Variants in RASSF8 observed in about 807,000 individuals in gnomAD.
RASSF8 encodes ras association domain-containing protein 8.
A neutral mutation model predicts 48.5 loss-of-function variants in RASSF8; 22 were observed. The observed-to-expected ratio is 0.45, with a 90% CI of 0.32 to 0.65. RASSF8 has a LOEUF of 0.65. Among genes scored for constraint, RASSF8 ranks in the 30% least tolerant of loss-of-function variants. RASSF8 has a pLI of 0.03. For synonymous variants in RASSF8, 127 were observed against 171.5 expected, an observed-to-expected ratio of 0.74 and a Z score of 2.03; for missense variants, 418 against 489.2, an observed-to-expected ratio of 0.85 and a Z score of 1.37.
At chr12:26,009,417 G>T (rs2137015028) in intron 2 of RASSF8, among the ~76,000 whole-genome samples, 1 of 152,310 alleles carries the variant, frequency 6.6e-6, no homozygotes, top group South Asian at 2.1e-4. Context: ...ATGATGGGAA[G>T]GCTGTTACTG....
intron 2 of RASSF8, among the ~76,000 whole-genome samples, chr12:26,032,094 T>C (rs945758634): frequency 6.6e-6 from 1 of 152,154 alleles, no homozygotes; most frequent in Non-Finnish European, 1.5e-5. Flanking sequence ...TCTGGAAAAT[T>C]TACCAATCAG....
At position 26,069,660 on chromosome 12, in the gene RASSF8, C is replaced by T. The variant is rs998823902; in HGVS notation, c.*842C>T. ...TGTCTTATCATTTACACTCATGGATCTTCAGAATTAATCTAACATGGAAGT... is the reference window on the plus strand; with the variant it reads ...TGTCTTATCATTTACACTCATGGATTTTCAGAATTAATCTAACATGGAAGT... On this transcript the variant is annotated 3_prime_UTR_variant, in exon 6 of 6. Transcript: ENST00000689635. The T allele has an allele frequency of 1.0e-5, 10 of 985,410 alleles. No homozygotes were observed. The highest frequency in any genetic ancestry group is 1.2e-5 in the Non-Finnish European group (10 of 829,912). The allele number at this position is 985,410 out of a possible 1,614,324, so 61.0% of individuals were successfully genotyped here. A position where few individuals can be genotyped will look rare whatever the true frequency, so the allele number is the denominator to read the frequency against.
intron 2 of RASSF8, among the ~76,000 whole-genome samples, chr12:26,046,523 A>T (rs950500923): frequency 1.3e-5 from 2 of 152,220 alleles, no homozygotes; most frequent in African/African-American, 2.4e-5. Flanking sequence ...AAAAAGATTT[A>T]AAAAATTTTT....
At chr12:26,038,399 G>A (rs1213445995) in intron 2 of RASSF8, among the ~76,000 whole-genome samples, 1 of 152,038 alleles carries the variant, frequency 6.6e-6, no homozygotes, top group Non-Finnish European at 1.5e-5. Flanking sequence ...TATACTTTGT[G>A]TTTAGAACCT....
chr12:25,980,905 T>C (rs1941726176), intron 1 of RASSF8, among the ~76,000 whole-genome samples: 1 of 152,146 alleles, frequency 6.6e-6, no homozygotes, highest in Admixed American at 6.5e-5. Flanking sequence ...AAAACATATT[T>C]TGGGGGATTG....
chr12:26,076,078 A>C (rs1382895798), downstream of RASSF8, among the ~76,000 whole-genome samples: 1 of 152,088 alleles, frequency 6.6e-6, no homozygotes. Flanking sequence ...TAGAAGAAAC[A>C]ATTTCCCATC....
At chr12:26,061,696 A>G (rs1943747146) in intron 3 of RASSF8, among the ~76,000 whole-genome samples, 1 of 152,184 alleles carries the variant, frequency 6.6e-6, no homozygotes, top group African/African-American at 2.4e-5. Flanking sequence ...ATCTGTGTAA[A>G]TGAAGGAAAT....
intron 2 of RASSF8, among the ~76,000 whole-genome samples, chr12:26,006,870 C>G (rs1055020737): frequency 6.6e-6 from 1 of 152,160 alleles, no homozygotes; most frequent in Admixed American, 6.5e-5. Context: ...TTTAACAATA[C>G]TTAGTTCATT....
At chr12:26,022,989 A>AC (rs1177486596) in intron 2 of RASSF8, among the ~76,000 whole-genome samples, 3 of 152,048 alleles carry the variant, frequency 2.0e-5, no homozygotes, top group Non-Finnish European at 4.4e-5. Flanking sequence ...TCAGGTGATC[A>AC]CCCACCTCGG....
intron 2 of RASSF8, chr12:26,020,046 A>G (rs1314786622): frequency 1.3e-5 from 2 of 152,164 alleles, no homozygotes; most frequent in Non-Finnish European, 2.9e-5. Flanking sequence ...GTCACCTTTT[A>G]TGGCAAAATA....
Position 26,004,742 on chromosome 12 carries a change from TCTGAC to T in RASSF8, c.-109+9613_-109+9617del, listed in dbSNP as rs1167515903. ...GAGGAGGAGGAGGAAGGGGAGCTCT[TCTGAC>T]ATGACATGACTGGTACCTTCTACTT... On this transcript the variant is annotated intron_variant, in intron 2 of 5. Transcript: ENST00000689635. 4.6e-5 allele frequency among the ~76,000 whole-genome samples: 7 copies of T among 152,290 alleles called. No homozygotes were observed. In the East Asian group the frequency reaches 1.3e-3, roughly 29 times the overall value.
intron 2 of RASSF8, chr12:26,011,781 C>T (rs1211658343): frequency 6.6e-6 from 1 of 152,218 alleles, no homozygotes; most frequent in Non-Finnish European, 1.5e-5. Flanking sequence ...GACGCTGAGT[C>T]TGACGGTGAC....
intron 2 of RASSF8, among the ~76,000 whole-genome samples, chr12:26,042,133 G>A (rs541441352): frequency 6.6e-6 from 1 of 152,212 alleles, no homozygotes; most frequent in Admixed American, 6.5e-5. Context: ...CCAGTTAAAG[G>A]GGAGAGCATG....
chr12:26,065,503 T>C, intron 4 of RASSF8, 116 bp downstream of exon 4: 1 of 1,345,788 alleles, frequency 7.4e-7, no homozygotes, highest in African/African-American at 1.5e-5. Context: ...AACCCAGCCT[T>C]GTTTAAAACT....
chr12:26,048,003 G>A (rs1052206675), intron 2 of RASSF8, among the ~76,000 whole-genome samples: 35 of 152,168 alleles, frequency 2.3e-4, no homozygotes, highest in Non-Finnish European at 3.8e-4. Flanking sequence ...TAAAGGAAGC[G>A]GCTAGAAAGC....
chr12:26,071,499 T>TTGG lies in RASSF8; in HGVS notation c.*2682_*2684dup, dbSNP rs1943999670. On this transcript the variant is annotated 3_prime_UTR_variant, in exon 6 of 6. Coordinates refer to ENST00000689635, the MANE Select transcript of RASSF8 (RefSeq NM_001394098.1). ...TCTTTTTATCTTACCAAGAAATAAT[T>TTGG]TGGAATAGCATTGGTATATTTGACC... 1.0e-6 allele frequency: 1 copy of TTGG among 963,620 alleles called. No homozygotes were observed. The highest frequency in any genetic ancestry group is 1.8e-5 in the African/African-American group (1 of 56,696). The allele number at this position is 963,620 out of a possible 1,614,324, so 59.7% of individuals were successfully genotyped here.
At chr12:26,002,935 G>T (rs1418138231) in intron 2 of RASSF8, among the ~76,000 whole-genome samples, 2 of 152,068 alleles carry the variant, frequency 1.3e-5, no homozygotes, top group Non-Finnish European at 2.9e-5. Context: ...TTAGCACATT[G>T]TATTATTGAA....
downstream of RASSF8, among the ~76,000 whole-genome samples, chr12:26,073,730 A>ACTCTCTCTCTCT (rs1555171917): frequency 7.3e-4 from 101 of 138,238 alleles, no homozygotes; most frequent in East Asian, 7.2e-3. Flanking sequence ...CAAAAGCGAG[A>ACTCTCTCTCTCT]CTCTCTCTCT....
chr12:26,063,922 T>G (rs1024970500), intron 3 of RASSF8, among the ~76,000 whole-genome samples: 1 of 152,136 alleles, frequency 6.6e-6, no homozygotes, highest in Admixed American at 6.5e-5. Flanking sequence ...GGTGGAGCAC[T>G]CAGGTGGAGA....
Sources: gnomAD v4.1 joint callset for allele counts (sites outside exome capture counted in the v4.1 genomes callset) on GRCh38, gnomAD v4.1.1 for gene constraint, MANE v1.5 for transcripts, NCBI Gene and HGNC (gene_info 2026-07-23, HGNC 2026-07-21) for gene names.